Variants in GJC3 observed in about 807,000 individuals in gnomAD.
GJC3 encodes the protein gap junction protein gamma 3, also known as gap junction gamma-3 protein.
In GJC3, 17 loss-of-function variants were observed where a neutral mutation model predicts 19.8. The ratio of observed to expected loss-of-function variants is 0.86; its 90% CI spans 0.59 to 1.29. GJC3 has a LOEUF of 1.29. Ranked by LOEUF, GJC3 falls within the 50% of genes most tolerant of loss-of-function variation. The pLI, the probability that GJC3 is intolerant of heterozygous loss-of-function variation, is 0.00. For missense variants in GJC3, 317 were observed against 332.5 expected, an observed-to-expected ratio of 0.95 and a Z score of 0.36; for synonymous variants, 140 against 136.5, an observed-to-expected ratio of 1.03 and a Z score of -0.18.
At chr7:99,930,109 T>C (rs1226583130), upstream of GJC3, among the ~76,000 whole-genome samples, 1 of 152,262 alleles carries the variant, frequency 6.6e-6, no homozygotes, top group Non-Finnish European at 1.5e-5. Context: ...GTGCATTCTC[T>C]TGCGGTCTTC....
At chr7:99,924,820 C>T (rs1442147552) in intron 1 of GJC3, among the ~76,000 whole-genome samples, 1 of 152,172 alleles carries the variant, frequency 6.6e-6, no homozygotes, top group Non-Finnish European at 1.5e-5. Context: ...CTTTGACAAA[C>T]TCCTGTCATT....
rs1429218257 is a variant in GJC3, at chr7:99,923,452, A to G, written c.*93T>C. 5 of 777,836 alleles carry G rather than the reference A, an allele frequency of 6.4e-6. No homozygotes were observed. The highest frequency in any genetic ancestry group is 3.4e-5 in the Admixed American group (2 of 58,974). The allele number at this position is 777,836 out of a possible 1,614,324, so 48.2% of individuals were successfully genotyped here. A position where few individuals can be genotyped will look rare whatever the true frequency, so the allele number is the denominator to read the frequency against. ...CCAGTTGTCGGTTATGCTGCTACAT[A>G]TGTCACATGTATAGAAAATGGTGAA... On this transcript the variant is annotated 3_prime_UTR_variant, in exon 2 of 2. Coordinates refer to ENST00000312891, the MANE Select transcript of GJC3 (RefSeq NM_181538.3).
intron 1 of GJC3, among the ~76,000 whole-genome samples, chr7:99,924,973 G>T (rs1819762121): frequency 6.6e-6 from 1 of 152,050 alleles, no homozygotes; most frequent in African/African-American, 2.4e-5. Flanking sequence ...CTTTTCATAT[G>T]CTTTCTTATT....
intron 1 of GJC3, among the ~76,000 whole-genome samples, chr7:99,927,720 C>A (rs1471134594): frequency 6.6e-6 from 1 of 152,170 alleles, no homozygotes; most frequent in Non-Finnish European, 1.5e-5. Flanking sequence ...ATTGCAGTTA[C>A]CCGCCGAATC....
At chr7:99,923,630 A>T (rs1287340897) in intron 1 of GJC3, 27 bp from the exon 2 acceptor site, 2 of 780,090 alleles carry the variant, frequency 2.6e-6, no homozygotes, top group African/African-American at 3.4e-5. Flanking sequence ...TTCAAGATGT[A>T]ACAGTTACAA....
At chr7:99,924,201 T>C (rs1819744840) in intron 1 of GJC3, among the ~76,000 whole-genome samples, 1 of 152,130 alleles carries the variant, frequency 6.6e-6, no homozygotes. Flanking sequence ...CCGGCTGAGG[T>C]AGTATTTGAT....
At chr7:99,927,692 G>A (rs986272148) in intron 1 of GJC3, among the ~76,000 whole-genome samples, 3 of 151,778 alleles carry the variant, frequency 2.0e-5, no homozygotes, top group Non-Finnish European at 4.4e-5. Context: ...TAAGAGACTC[G>A]AGAAGACTGA....
At chr7:99,924,346 T>C (rs934849066) in intron 1 of GJC3, among the ~76,000 whole-genome samples, 11 of 152,098 alleles carry the variant, frequency 7.2e-5, no homozygotes, top group Non-Finnish European at 1.3e-4. Context: ...CCCAGCACTT[T>C]GGGAGGCTGA....
intron 1 of GJC3, among the ~76,000 whole-genome samples, chr7:99,926,205 G>A (rs1005475940): frequency 6.6e-6 from 1 of 152,002 alleles, no homozygotes; most frequent in Non-Finnish European, 1.5e-5. Flanking sequence ...GTGGTGGTGC[G>A]CACCTGTAGT....
chr7:99,923,691 C>T (rs1819730403), intron 1 of GJC3, 88 bp from the exon 2 acceptor site: 4 of 734,118 alleles, frequency 5.4e-6, no homozygotes, highest in Non-Finnish European at 1.0e-5. Flanking sequence ...CCCTGGGTTA[C>T]ACTTTAGGTG....
upstream of GJC3, among the ~76,000 whole-genome samples, chr7:99,929,964 T>TGAACGTA (rs1388496635): frequency 2.0e-5 from 3 of 152,230 alleles, no homozygotes; most frequent in African/African-American, 7.2e-5. Flanking sequence ...TCCCAAAGGC[T>TGAACGTA]GAACGTAAGA....
intron 1 of GJC3, among the ~76,000 whole-genome samples, chr7:99,926,669 T>C (rs1400600971): frequency 6.6e-6 from 1 of 152,216 alleles, no homozygotes; most frequent in South Asian, 2.1e-4. Context: ...TTTTGGGTGC[T>C]AATAAGAGTT....
rs1819865270 is a variant in GJC3 at position 99,929,533 on chromosome 7, C to T, written c.88G>A (p.Gly30Arg). ...GCAGCCAGCAGCACAAGGCGGAATC[C>T]CAGGAGCACGGGAAGCAAGAGGCGC... is the stretch of plus-strand genomic sequence containing the variant. ...VGRLLLPVLLGFRLVLLAASG... is the reference protein window; with the variant it reads ...VGRLLLPVLLRFRLVLLAASG... Residue 30 changes from glycine to arginine, a missense_variant, in exon 1 of 2, where the codon GGA becomes AGA. Gly to Arg is a moderately radical substitution (Grantham distance 125). Coordinates refer to ENST00000312891, the MANE Select transcript of GJC3 (RefSeq NM_181538.3). The T allele has an allele frequency of 1.9e-6, 3 of 1,614,024 alleles. No homozygotes were observed. Among genetic ancestry groups the T allele is most frequent in the Non-Finnish European group, 2.5e-6 (3 of 1,180,040 alleles).
intron 1 of GJC3, among the ~76,000 whole-genome samples, chr7:99,925,176 G>T (rs1299247896): frequency 6.6e-6 from 1 of 152,028 alleles, no homozygotes; most frequent in Non-Finnish European, 1.5e-5. Flanking sequence ...AAAGGCTGAA[G>T]GCTTGAGGTG....
At chr7:99,925,387 T>C (rs1819773217) in intron 1 of GJC3, among the ~76,000 whole-genome samples, 1 of 152,102 alleles carries the variant, frequency 6.6e-6, no homozygotes, top group Non-Finnish European at 1.5e-5. Context: ...TACACAAAAA[T>C]TAACTCAAAA....
chr7:99,928,925 G>T lies in GJC3; in HGVS notation c.696C>A (p.Phe232Leu), dbSNP rs1290700750. The change falls in exon 1 of 2, where the codon TTC (phenylalanine) becomes TTA (leucine). Residue 232 changes from phenylalanine (F) to leucine (L), a missense_variant. Coordinates refer to ENST00000312891, the MANE Select transcript of GJC3 (RefSeq NM_181538.3). The part of the protein sequence containing the change: ...WKHKSSSSKY[F>L]LTSESTRRHK... Reference sequence around the variant, plus strand: ...GTCTTCTGGTGCTCTCTGAAGTTAGGAAGTATTTAGAAGAGGAAGATTTGT... The same window carrying T: ...GTCTTCTGGTGCTCTCTGAAGTTAGTAAGTATTTAGAAGAGGAAGATTTGT... 8.1e-6 allele frequency: 13 copies of T among 1,613,986 alleles called. No homozygotes were observed. Among genetic ancestry groups the T allele is most frequent in the African/African-American group, 1.3e-5 (1 of 74,908 alleles).
chr7:99,929,828 G>T (rs1819871457), upstream of GJC3: 1 of 614,676 alleles, frequency 1.6e-6, no homozygotes, highest in Non-Finnish European at 2.9e-6. Flanking sequence ...AACAGTGAGT[G>T]TGTGTGGTGT....
rs539824701 is a variant in GJC3, at chr7:99,926,268, A to G, written c.781+2572T>C. On this transcript the variant is annotated intron_variant, in intron 1 of 1. Coordinates refer to ENST00000312891, the MANE Select transcript of GJC3 (RefSeq NM_181538.3). ...AGAATCGCTTGAACCCAGGAAGTGG[A>G]GGTTGCAATAAGCCAAGATCACACC... 1.8e-3 allele frequency among the ~76,000 whole-genome samples: 272 copies of G among 151,292 alleles called. 2 individuals are homozygous for G. The highest frequency in any genetic ancestry group is 6.3e-3 in the African/African-American group (261 of 41,216).
chr7:99,928,171 G>A (rs375623681), intron 1 of GJC3, among the ~76,000 whole-genome samples: 3 of 152,340 alleles, frequency 2.0e-5, no homozygotes, highest in East Asian at 3.9e-4. Context: ...GGTAAATGAA[G>A]CCAGTGAGAC....
Sources: allele counts gnomAD v4.1 joint callset (sites outside exome capture counted in the v4.1 genomes callset), GRCh38; gene constraint gnomAD v4.1.1; transcripts MANE v1.5; gene names NCBI Gene and HGNC (gene_info 2026-07-23, HGNC 2026-07-21).